STT3B: variants seen among roughly 807,000 people sequenced by gnomAD.
The protein encoded by STT3B is STT3 oligosaccharyltransferase complex catalytic subunit B, also known as dolichyl-diphosphooligosaccharide--protein glycosyltransferase subunit STT3B.
In STT3B, 29 loss-of-function variants were observed where a neutral mutation model predicts 96.8. The ratio of observed to expected loss-of-function variants is 0.30; its 90% CI spans 0.22 to 0.41. STT3B has a LOEUF of 0.41. STT3B is among the 10% of genes least tolerant of loss of function. The probability of loss-of-function intolerance (pLI) is 1.00; values close to 1 mark genes in which losing one functional copy is unlikely to be tolerated. For missense variants in STT3B, 640 were observed against 1,022.3 expected, an observed-to-expected ratio of 0.63 and a Z score of 5.10; for synonymous variants, 367 against 360.0, an observed-to-expected ratio of 1.02 and a Z score of -0.22.
rs548334707 is a variant in STT3B, at chr3:31,600,452, C to G, written c.870C>G (p.Val290=). The stretch of plus-strand genomic sequence containing the variant: ...TGATGCAGAGATACAGCAAAAGAGT[C>G]TACATAGGTAAGTAATTTGATTTTT... The part of the protein sequence containing the change: ...LLLMQRYSKR[V]YIAYSTFYIV... Residue 290 remains valine, a synonymous_variant, in exon 5 of 16, where the codon GTC becomes GTG. Coordinates refer to ENST00000295770, the MANE Select transcript of STT3B (RefSeq NM_178862.3). The G allele has an allele frequency of 4.7e-6, 7 of 1,499,546 alleles. No homozygotes were observed. In the East Asian group the frequency reaches 1.4e-4, roughly 29 times the overall value. 92.9% of individuals were successfully genotyped at this position (1,499,546 alleles called of 1,614,324 possible).
intron 1 of STT3B, among the ~76,000 whole-genome samples, chr3:31,542,688 G>A (rs1697309506): frequency 6.6e-6 from 1 of 152,182 alleles, no homozygotes; most frequent in African/African-American, 2.4e-5. Flanking sequence ...CCAACTGAGT[G>A]ATTTAAGCTA....
intron 2 of STT3B, among the ~76,000 whole-genome samples, chr3:31,579,586 C>G (rs1025377983): frequency 6.7e-6 from 1 of 150,270 alleles, no homozygotes; most frequent in Admixed American, 6.7e-5. Context: ...TTCATATTCT[C>G]CCTGATCTTT....
At chr3:31,600,636 C>T (rs1698907752) in intron 5 of STT3B, among the ~76,000 whole-genome samples, 177 bp downstream of exon 5, 1 of 152,004 alleles carries the variant, frequency 6.6e-6, no homozygotes, top group African/African-American at 2.4e-5. Flanking sequence ...GCTTTGTCAT[C>T]AACTTTTCCT....
chr3:31,596,156 A>G (rs535038272), intron 3 of STT3B, among the ~76,000 whole-genome samples: 86 of 152,318 alleles, frequency 5.6e-4, no homozygotes, highest in African/African-American at 1.8e-3. Flanking sequence ...AGTCTGGGGA[A>G]GTTCCAAGAT....
chr3:31,557,312 A>T (rs1697743934), intron 1 of STT3B, among the ~76,000 whole-genome samples: 1 of 152,128 alleles, frequency 6.6e-6, no homozygotes, highest in Non-Finnish European at 1.5e-5. Flanking sequence ...TTTGGCCTCC[A>T]GCTTTGTTCT....
intron 5 of STT3B, among the ~76,000 whole-genome samples, chr3:31,603,642 A>T (rs567671861): frequency 2.0e-5 from 3 of 152,128 alleles, no homozygotes; most frequent in Non-Finnish European, 2.9e-5. Context: ...TTCTAATTTG[A>T]TTAAAGCTTA....
intron 1 of STT3B, among the ~76,000 whole-genome samples, chr3:31,536,622 A>C (rs376039267): frequency 3.3e-5 from 5 of 152,208 alleles, no homozygotes; most frequent in African/African-American, 7.2e-5. Context: ...CACCCAAGTT[A>C]TTTATCTTAC....
At chr3:31,564,178 G>A (rs530169801) in intron 1 of STT3B, among the ~76,000 whole-genome samples, 6 of 152,322 alleles carry the variant, frequency 3.9e-5, no homozygotes, top group Admixed American at 1.3e-4. Context: ...AAGTGGGAAT[G>A]TTTAAACATT....
intron 2 of STT3B, among the ~76,000 whole-genome samples, chr3:31,578,099 T>G (rs191450133): frequency 6.6e-6 from 1 of 152,282 alleles, no homozygotes; most frequent in Admixed American, 6.5e-5. Flanking sequence ...ATTGACACAT[T>G]TGAATGAGTT....
intron 3 of STT3B, among the ~76,000 whole-genome samples, chr3:31,589,879 G>T (rs952839568): frequency 6.6e-6 from 1 of 151,734 alleles, no homozygotes; most frequent in Non-Finnish European, 1.5e-5. Flanking sequence ...CATCACGTTG[G>T]ACAGGGTACT....
chr3:31,576,392 C>G lies in STT3B; in HGVS notation c.315-4C>G, dbSNP rs745905033. On this transcript the variant is annotated splice_polypyrimidine_tract_variant and splice_region_variant and intron_variant, in intron 1 of 15. Transcript: ENST00000295770. ...TAACATTTCTTTTTATCTCTTTTCT[C>G]TAGGTTTAACTATAGATCAACACAT... The G allele has an allele frequency of 2.7e-5, 42 of 1,535,002 alleles. No individual in the cohort carries two copies. The East Asian group carries it at 9.2e-4, about 34-fold the overall frequency.
At chr3:31,597,642 A>G (rs1270505653) in intron 4 of STT3B, among the ~76,000 whole-genome samples, 1 of 152,020 alleles carries the variant, frequency 6.6e-6, no homozygotes, top group Non-Finnish European at 1.5e-5. Flanking sequence ...AATATTTTGT[A>G]GAGACAGATC....
intron 1 of STT3B, among the ~76,000 whole-genome samples, chr3:31,560,542 A>AT (rs538728605): frequency 3.4e-4 from 52 of 150,964 alleles, no homozygotes; most frequent in Non-Finnish European, 6.2e-4. Context: ...ATCATTAGCA[A>AT]TTTTTTTTTC....
intron 1 of STT3B, among the ~76,000 whole-genome samples, chr3:31,536,801 G>A (rs957229600): frequency 2.0e-5 from 3 of 152,170 alleles, no homozygotes; most frequent in Admixed American, 6.5e-5. Flanking sequence ...GTCTGTACTT[G>A]CCAAACGTTT....
intron 3 of STT3B, among the ~76,000 whole-genome samples, chr3:31,582,830 T>G (rs183076029): frequency 1.3e-5 from 2 of 152,308 alleles, no homozygotes; most frequent in African/African-American, 4.8e-5. Context: ...TTCCACAAAT[T>G]TATTTCCCAG....
At chr3:31,619,578 G>A (rs1322078360) in intron 8 of STT3B, 98 bp from the exon 9 acceptor site, 3 of 963,344 alleles carry the variant, frequency 3.1e-6, no homozygotes, top group Admixed American at 2.3e-5. Flanking sequence ...GGGGTAGGGA[G>A]TAGGTACCAT....
chr3:31,620,650 C>G (rs911622587), intron 9 of STT3B, among the ~76,000 whole-genome samples: 1 of 152,048 alleles, frequency 6.6e-6, no homozygotes, highest in Non-Finnish European at 1.5e-5. Flanking sequence ...TATAAGTGGA[C>G]AAAATAAGCA....
chr3:31,553,689 A>G (rs1248754564), intron 1 of STT3B, among the ~76,000 whole-genome samples: 2 of 152,174 alleles, frequency 1.3e-5, no homozygotes, highest in Non-Finnish European at 2.9e-5. Context: ...AAACATGTCA[A>G]TTGGTGTATT....
intron 6 of STT3B, among the ~76,000 whole-genome samples, chr3:31,616,612 A>AC (rs1454607050): frequency 3.6e-4 from 55 of 151,592 alleles, no homozygotes; most frequent in Admixed American, 3.5e-3. Flanking sequence ...ACCCCAGAAA[A>AC]CCCCCCTAAA....
Sources: allele counts gnomAD v4.1 joint callset (sites outside exome capture counted in the v4.1 genomes callset), GRCh38; gene constraint gnomAD v4.1.1; transcripts MANE v1.5; gene names NCBI Gene and HGNC (gene_info 2026-07-23, HGNC 2026-07-21).